Variants in DIAPH1 observed in about 807,000 individuals in gnomAD.
DIAPH1 encodes protein diaphanous homolog 1.
DIAPH1 carries 46 observed loss-of-function variants against 140.7 expected under a neutral mutation model. The ratio of observed to expected loss-of-function variants is 0.33; its 90% CI spans 0.26 to 0.42. DIAPH1 has a LOEUF of 0.42. Ranked by LOEUF, DIAPH1 falls within the 10% of genes least tolerant of loss-of-function variation. DIAPH1 has a pLI of 1.00. For missense variants in DIAPH1, 1,310 were observed against 1,558.7 expected (o/e 0.84, Z 2.69); for synonymous variants, 565 against 551.6 (o/e 1.02, Z -0.34).
intron 27 of DIAPH1, among the ~76,000 whole-genome samples, chr5:141,517,525 C>A (rs1447585394): frequency 1.3e-5 from 2 of 152,176 alleles, no homozygotes; most frequent in African/African-American, 4.8e-5. Flanking sequence ...CAAAGAGGAA[C>A]AGCAGCCACG....
At chr5:141,577,437 G>T in intron 12 of DIAPH1, 38 bp downstream of exon 12, 2 of 1,364,952 alleles carry the variant, frequency 1.5e-6, no homozygotes, top group Admixed American at 1.7e-5. Flanking sequence ...CTCCACTTAG[G>T]CTCAAATTCA....
At chr5:141,567,953 T>C (rs2099894626) in intron 18 of DIAPH1, among the ~76,000 whole-genome samples, 4 of 152,036 alleles carry the variant, frequency 2.6e-5, no homozygotes, top group Admixed American at 2.6e-4. Context: ...TTAGCCAGAG[T>C]TTTTTCTAAA....
At chr5:141,581,916 C>T (rs918291639) in intron 7 of DIAPH1, 6 of 166,886 alleles carry the variant, frequency 3.6e-5, no homozygotes, top group South Asian at 1.5e-4. Flanking sequence ...AAAAAATACC[C>T]GGGCGTGGTG....
At chr5:141,586,913 T>A in intron 3 of DIAPH1, 129 bp downstream of exon 3, 1 of 956,986 alleles carries the variant, frequency 1.0e-6, no homozygotes, top group Non-Finnish European at 1.7e-6. Flanking sequence ...AGGGTTAATA[T>A]TAAAAAGTTC....
At chr5:141,586,560 G>A (rs1596391813) in intron 3 of DIAPH1, among the ~76,000 whole-genome samples, 1 of 152,316 alleles carries the variant, frequency 6.6e-6, no homozygotes, top group Middle Eastern at 3.4e-3. Context: ...TTACTTAGCT[G>A]ACTTCAGACA....
chr5:141,551,995 T>A (rs1198598301), intron 18 of DIAPH1, among the ~76,000 whole-genome samples: 1 of 152,076 alleles, frequency 6.6e-6, no homozygotes, highest in South Asian at 2.1e-4. Context: ...ATACAAAAAA[T>A]CCTGAAAATT....
At chr5:141,554,192 G>A (rs1259689495) in intron 18 of DIAPH1, among the ~76,000 whole-genome samples, 1 of 152,052 alleles carries the variant, frequency 6.6e-6, no homozygotes, top group East Asian at 1.9e-4. Context: ...CAGGAGAATC[G>A]CTTGAACCTG....
chr5:141,590,818 T>A (rs900519468), intron 1 of DIAPH1, among the ~76,000 whole-genome samples: 2 of 151,844 alleles, frequency 1.3e-5, no homozygotes, highest in Non-Finnish European at 1.5e-5. Flanking sequence ...CTCTCTTCCA[T>A]CCATGTCTAC....
chr5:141,577,966 C>T (rs1276629404), intron 11 of DIAPH1: 1 of 566,812 alleles, frequency 1.8e-6, no homozygotes, highest in African/African-American at 1.9e-5. Context: ...GCTAAGCTAT[C>T]ACATTCTAGG....
At chr5:141,522,330 A>T (rs1661551898) in intron 27 of DIAPH1, among the ~76,000 whole-genome samples, 2 of 152,202 alleles carry the variant, frequency 1.3e-5, no homozygotes, top group Admixed American at 1.3e-4. Flanking sequence ...GGGAGAGAGT[A>T]CTTTGACTAA....
chr5:141,582,388 G>C lies in DIAPH1; in HGVS notation c.621-13C>G. On this transcript the variant is annotated splice_polypyrimidine_tract_variant and intron_variant, in intron 6 of 27. Transcript: ENST00000389054. ...GCTATCGTAACTCCTGTATATAGAA[G>C]ACATAATCAGTGAGGTCCCTTTATT... 1 of 1,597,772 alleles carries C rather than the reference G, an allele frequency of 6.3e-7. No individual in the cohort carries two copies. The highest frequency in any genetic ancestry group is 8.6e-7 in the Non-Finnish European group (1 of 1,165,184).
chr5:141,580,321 T>C (rs1233288023), intron 8 of DIAPH1, among the ~76,000 whole-genome samples: 1 of 152,202 alleles, frequency 6.6e-6, no homozygotes, highest in Non-Finnish European at 1.5e-5. Flanking sequence ...TCTATGAGAC[T>C]ATACCATGCC....
intron 7 of DIAPH1, among the ~76,000 whole-genome samples, chr5:141,581,395 C>T (rs2154596526): frequency 6.6e-6 from 1 of 152,242 alleles, no homozygotes; most frequent in Admixed American, 6.5e-5. Context: ...GGTACACTAG[C>T]AAATTAATAC....
rs1164237448 is a variant in DIAPH1 at position 141,527,996 on chromosome 5, T to C, written c.3149-299A>G. ...TTTAACATGAATCTATGAAATCCCC[T>C]GAGATCTTGGTCTCATTTATTTTAG... On this transcript the variant is annotated intron_variant, in intron 23 of 27. Coordinates refer to ENST00000389054, the MANE Select transcript of DIAPH1 (RefSeq NM_005219.5). Among the ~76,000 whole-genome samples, 24 of 152,336 alleles carry C rather than the reference T, an allele frequency of 1.6e-4. No homozygotes were observed. The East Asian group carries it at 1.9e-3, about 12-fold the overall frequency.
At chr5:141,602,130 C>G (rs1379705204) in intron 1 of DIAPH1, among the ~76,000 whole-genome samples, 1 of 152,156 alleles carries the variant, frequency 6.6e-6, no homozygotes, top group African/African-American at 2.4e-5. Context: ...AGGATTGACA[C>G]AGTTCCTTAG....
chr5:141,553,446 C>T (rs1021423307), intron 18 of DIAPH1, among the ~76,000 whole-genome samples: 3 of 150,974 alleles, frequency 2.0e-5, no homozygotes, highest in African/African-American at 7.3e-5. Flanking sequence ...TCGAGACCGG[C>T]CTGCCCAACA....
chr5:141,557,478 T>G (rs1326728892), intron 18 of DIAPH1, among the ~76,000 whole-genome samples: 3 of 152,202 alleles, frequency 2.0e-5, no homozygotes, highest in Non-Finnish European at 4.4e-5. Context: ...AATAACATTT[T>G]TTAAAAAAAT....
At chr5:141,561,003 C>CT in intron 18 of DIAPH1, 1 of 450,072 alleles carries the variant, frequency 2.2e-6, no homozygotes, top group Non-Finnish European at 4.5e-6. Context: ...TGATCTTCTC[C>CT]TCCAATCCCT....
intron 18 of DIAPH1, among the ~76,000 whole-genome samples, chr5:141,559,763 A>G (rs1270833439): frequency 1.3e-5 from 2 of 152,226 alleles, no homozygotes; most frequent in Non-Finnish European, 2.9e-5. Flanking sequence ...ACAAGGACTC[A>G]GGTATGTCAG....
Sources: gnomAD v4.1 joint callset for allele counts (sites outside exome capture counted in the v4.1 genomes callset) on GRCh38, gnomAD v4.1.1 for gene constraint, MANE v1.5 for transcripts, NCBI Gene and HGNC (gene_info 2026-07-23, HGNC 2026-07-21) for gene names.